SPAG16: variants seen among roughly 807,000 people sequenced by gnomAD.
SPAG16 encodes the protein sperm associated antigen 16.
In SPAG16, 86 loss-of-function variants were observed where a neutral mutation model predicts 80.4. The observed-to-expected ratio is 1.07, with a 90% CI of 0.90 to 1.28. SPAG16 has a LOEUF of 1.28. Ranked by LOEUF, SPAG16 falls within the 50% of genes most tolerant of loss-of-function variation. The pLI is 0.00. For missense variants in SPAG16, 870 were observed against 765.3 expected (o/e 1.14, Z -1.61); for synonymous variants, 294 against 265.9 (o/e 1.11, Z -1.03).
At chr2:213,344,859 A>G (rs1046879018) in intron 6 of SPAG16, among the ~76,000 whole-genome samples, 10 of 152,184 alleles carry the variant, frequency 6.6e-5, no homozygotes, top group Non-Finnish European at 8.8e-5. Flanking sequence ...ATGTGTATTT[A>G]TAGCAGCATG....
chr2:214,220,530 T>TC (rs1436504482), intron 15 of SPAG16, among the ~76,000 whole-genome samples: 2 of 152,086 alleles, frequency 1.3e-5, no homozygotes, highest in Non-Finnish European at 2.9e-5. Flanking sequence ...CTTCTCAGAC[T>TC]CCCCATTCAC....
chr2:214,158,902 A>G (rs866129038), intron 15 of SPAG16, among the ~76,000 whole-genome samples: 3 of 152,048 alleles, frequency 2.0e-5, no homozygotes, highest in Non-Finnish European at 2.9e-5. Context: ...CCAAATAATG[A>G]TGAATTCTAA....
chr2:213,577,505 A>G (rs912808766), intron 10 of SPAG16, among the ~76,000 whole-genome samples: 23 of 152,062 alleles, frequency 1.5e-4, no homozygotes, highest in Admixed American at 6.6e-4. Flanking sequence ...AGCCCATCTC[A>G]ACTGTTTATT....
At chr2:213,700,128 C>T (rs768872882) in intron 10 of SPAG16, among the ~76,000 whole-genome samples, 1 of 151,802 alleles carries the variant, frequency 6.6e-6, no homozygotes, top group African/African-American at 2.4e-5. Flanking sequence ...ACATCAATGT[C>T]TATATCTCTG....
chr2:213,606,425 C>T (rs963129466), intron 10 of SPAG16, among the ~76,000 whole-genome samples: 5 of 152,084 alleles, frequency 3.3e-5, no homozygotes, highest in Admixed American at 1.3e-4. Flanking sequence ...ATTATTAGTC[C>T]TCTCAATTAT....
intron 10 of SPAG16, among the ~76,000 whole-genome samples, chr2:213,702,478 G>A (rs974124435): frequency 6.6e-6 from 1 of 152,154 alleles, no homozygotes; most frequent in Non-Finnish European, 1.5e-5. Flanking sequence ...CTCACCAAAA[G>A]GAACAAACAA....
intron 13 of SPAG16, among the ~76,000 whole-genome samples, chr2:214,052,967 C>T (rs979295725): frequency 6.6e-6 from 1 of 152,114 alleles, no homozygotes; most frequent in African/African-American, 2.4e-5. Flanking sequence ...GTTTTTTCTG[C>T]CTACATTCAA....
chr2:214,298,634 A>T (rs1033451391), intron 15 of SPAG16, among the ~76,000 whole-genome samples: 1 of 152,220 alleles, frequency 6.6e-6, no homozygotes, highest in Non-Finnish European at 1.5e-5. Flanking sequence ...AACTTAATAC[A>T]AGAAAATGGG....
intron 12 of SPAG16, among the ~76,000 whole-genome samples, chr2:213,967,258 A>C (rs894768055): frequency 6.6e-6 from 1 of 152,198 alleles, no homozygotes; most frequent in Non-Finnish European, 1.5e-5. Context: ...ATCTTCCATC[A>C]GCACCTTCTT....
chr2:213,845,359 A>T (rs1457771462), intron 10 of SPAG16, among the ~76,000 whole-genome samples: 2 of 151,804 alleles, frequency 1.3e-5, no homozygotes, highest in Non-Finnish European at 2.9e-5. Context: ...TACCACGCCC[A>T]GCTAATTTTT....
At chr2:213,415,480 A>G (rs1187180843) in intron 9 of SPAG16, among the ~76,000 whole-genome samples, 2 of 152,206 alleles carry the variant, frequency 1.3e-5, no homozygotes, top group Non-Finnish European at 2.9e-5. Context: ...CAAGTTGGGA[A>G]TAAATGCAGC....
chr2:213,899,128 C>T (rs1042910282), intron 11 of SPAG16, among the ~76,000 whole-genome samples: 1 of 151,852 alleles, frequency 6.6e-6, no homozygotes. Flanking sequence ...TATAAATAGG[C>T]CAGTTGTGAG....
chr2:214,277,127 T>C (rs1400649916), intron 15 of SPAG16, among the ~76,000 whole-genome samples: 1 of 152,176 alleles, frequency 6.6e-6, no homozygotes, highest in Non-Finnish European at 1.5e-5. Context: ...TGCCATGGTT[T>C]TCAGCTCCAT....
At chr2:213,588,842 A>T (rs1008911630) in intron 10 of SPAG16, among the ~76,000 whole-genome samples, 1 of 141,608 alleles carries the variant, frequency 7.1e-6, no homozygotes, top group African/African-American at 2.9e-5. Context: ...AAAAAAAAAA[A>T]AGACTCCCTA....
At chr2:214,067,376 T>C (rs2050579058) in intron 13 of SPAG16, among the ~76,000 whole-genome samples, 1 of 151,938 alleles carries the variant, frequency 6.6e-6, no homozygotes, top group African/African-American at 2.4e-5. Flanking sequence ...GAAATGGAGG[T>C]TTTAATAGTA....
In SPAG16 at chr2:213,837,034, T is replaced by C. The variant is rs558882858; in HGVS notation, c.1071-25451T>C. On this transcript the variant is annotated intron_variant, in intron 10 of 15. Transcript: ENST00000331683. ...AGCTTCAGGGACATCCCTGCTATCT[T>C]TGAATTTATCAGAGACTCCTCATTT... 2.2e-4 allele frequency among the ~76,000 whole-genome samples: 34 copies of C among 152,320 alleles called. No individual in the cohort carries two copies. The South Asian group carries it at 6.6e-3, about 30-fold the overall frequency.
intron 9 of SPAG16, among the ~76,000 whole-genome samples, chr2:213,377,909 T>A (rs1157923911): frequency 1.5e-3 from 82 of 53,680 alleles, no homozygotes; most frequent in African/African-American, 6.5e-3. Flanking sequence ...ATATATTTTT[T>A]TTTTTTTTTC....
chr2:213,461,475 T>C (rs1021444240), intron 9 of SPAG16, among the ~76,000 whole-genome samples: 2 of 152,178 alleles, frequency 1.3e-5, no homozygotes, highest in Non-Finnish European at 2.9e-5. Context: ...AGTAATGTTA[T>C]TTTGTCTGAG....
At chr2:214,118,234 A>G (rs2054039498) in intron 14 of SPAG16, among the ~76,000 whole-genome samples, 1 of 152,234 alleles carries the variant, frequency 6.6e-6, no homozygotes. Context: ...AAAGAAGCCC[A>G]TTTACAATAA....
Sources: gnomAD v4.1 joint callset for allele counts (sites outside exome capture counted in the v4.1 genomes callset) on GRCh38, gnomAD v4.1.1 for gene constraint, MANE v1.5 for transcripts, NCBI Gene and HGNC (gene_info 2026-07-23, HGNC 2026-07-21) for gene names.